The following PTPRN2 variants were observed in gnomAD, a reference collection of about 807,000 sequenced individuals.
PTPRN2 encodes receptor-type tyrosine-protein phosphatase N2.
Under a neutral mutation model 118.8 loss-of-function variants are expected in PTPRN2, and 74 were observed. That is an observed-to-expected ratio of 0.62 (90% CI 0.52 to 0.76). PTPRN2 has a LOEUF of 0.76. Ranked by LOEUF, PTPRN2 falls within the 30% of genes least tolerant of loss-of-function variation. PTPRN2 has a pLI of 0.00. For missense variants in PTPRN2, 1,481 were observed against 1,394.4 expected, an observed-to-expected ratio of 1.06 and a Z score of -0.99; for synonymous variants, 641 against 608.0, an observed-to-expected ratio of 1.05 and a Z score of -0.80.
chr7:158,140,326 T>C (rs1585584072), intron 6 of PTPRN2, among the ~76,000 whole-genome samples: 1 of 152,144 alleles, frequency 6.6e-6, no homozygotes, highest in African/African-American at 2.4e-5. Flanking sequence ...CAAAAGGACA[T>C]CTTCCGTATT....
intron 12 of PTPRN2, among the ~76,000 whole-genome samples, chr7:157,834,729 C>G (rs1198307667): frequency 6.6e-6 from 1 of 152,242 alleles, no homozygotes; most frequent in Non-Finnish European, 1.5e-5. Context: ...CTCCAGTGAG[C>G]CTGGAGCCGG....
rs540360971 is a variant in PTPRN2, at chr7:158,093,650, A to G, written c.1644-12273T>C. On this transcript the variant is annotated intron_variant, in intron 10 of 22. Coordinates refer to ENST00000389418, the MANE Select transcript of PTPRN2 (RefSeq NM_002847.5). The surrounding 1 kb of genome is among the most constrained non-coding windows in gnomAD (Gnocchi z 4.4). ...AGCTATGTCTTCTTACAGAGGAGACATCGGGAACATAAAACTCCGGAATTC... is the reference window on the plus strand; with the variant it reads ...AGCTATGTCTTCTTACAGAGGAGACGTCGGGAACATAAAACTCCGGAATTC... Among the ~76,000 whole-genome samples, 1 of 152,364 alleles carries G rather than the reference A, an allele frequency of 6.6e-6. No individual in the cohort carries two copies. The highest frequency in any genetic ancestry group is 2.1e-4 in the South Asian group (1 of 4,830).
intron 11 of PTPRN2, among the ~76,000 whole-genome samples, chr7:157,993,526 C>T (rs561255205): frequency 3.7e-4 from 56 of 152,236 alleles, no homozygotes; most frequent in African/African-American, 1.3e-3. Flanking sequence ...TCCAGAAACT[C>T]CCATGAGGGC....
chr7:157,872,241 CCACA>C (rs1330503166), intron 12 of PTPRN2, among the ~76,000 whole-genome samples: 2 of 148,216 alleles, frequency 1.3e-5, no homozygotes, highest in African/African-American at 5.0e-5. Flanking sequence ...AGTGTCCTCC[CCACA>C]CACACATATC....
intron 2 of PTPRN2, among the ~76,000 whole-genome samples, chr7:158,393,630 C>T (rs557158855): frequency 6.6e-6 from 1 of 152,146 alleles, no homozygotes. Context: ...CATCTTTCAG[C>T]GTCATTTTCA....
chr7:157,908,691 T>C (rs1441686843), intron 11 of PTPRN2, among the ~76,000 whole-genome samples: 1 of 152,218 alleles, frequency 6.6e-6, no homozygotes, highest in African/African-American at 2.4e-5. Context: ...TGCAAATGTC[T>C]TATTCTTACA....
chr7:158,330,772 C>A (rs1484712335), intron 2 of PTPRN2, among the ~76,000 whole-genome samples: 18 of 98,272 alleles, frequency 1.8e-4, no homozygotes, highest in South Asian at 3.9e-4. Context: ...GAGCTGACAC[C>A]CGCAGACGTC....
At chr7:157,741,038 G>A (rs1198280027) in intron 12 of PTPRN2, among the ~76,000 whole-genome samples, 2 of 152,132 alleles carry the variant, frequency 1.3e-5, no homozygotes, top group Non-Finnish European at 1.5e-5. Context: ...CTACTGAAAC[G>A]AGCAACAAGG....
rs1816754019 is a variant in PTPRN2, at chr7:158,438,605, GATC to G, written c.163+51127_163+51129del. Among the ~76,000 whole-genome samples the G allele has an allele frequency of 6.6e-6, 1 of 152,140 alleles. No homozygotes were observed. The highest frequency in any genetic ancestry group is 1.5e-5 in the Non-Finnish European group (1 of 68,032). On this transcript the variant is annotated intron_variant, in intron 2 of 22. Coordinates refer to ENST00000389418, the MANE Select transcript of PTPRN2 (RefSeq NM_002847.5). The surrounding 1 kb of genome is among the most constrained non-coding windows in gnomAD (Gnocchi z 4.7). ...CAGGAAATCTGATCCGATGCAAACA[GATC>G]ATTATAGCCAAGAGAAGGTCAGTTC... is the stretch of plus-strand genomic sequence containing the variant.
intron 2 of PTPRN2, among the ~76,000 whole-genome samples, chr7:158,363,222 A>G (rs1360056357): frequency 6.6e-6 from 1 of 151,708 alleles, no homozygotes; most frequent in Non-Finnish European, 1.5e-5. Context: ...AGGCTACGGG[A>G]GGACGCTCGG....
In PTPRN2 at chr7:157,649,899, T is replaced by C. The variant is rs566850387; in HGVS notation, c.2196+6458A>G. Among the ~76,000 whole-genome samples the C allele has an allele frequency of 1.0e-4, 8 of 76,900 alleles. No homozygotes were observed. The South Asian group carries it at 2.5e-3, about 24-fold the overall frequency. The allele number at this position is 76,900 out of a possible 152,430, so 50.4% of individuals were successfully genotyped here. The stretch of plus-strand genomic sequence containing the variant: ...CACTGAACTCGGTGGGTCGGACCCA[T>C]CCAGCGTGCACTGAACTCGGTGGGT... On this transcript the variant is annotated intron_variant, in intron 14 of 22. Transcript: ENST00000389418.
At chr7:158,064,283 T>C (rs973622449) in intron 11 of PTPRN2, among the ~76,000 whole-genome samples, 1 of 152,102 alleles carries the variant, frequency 6.6e-6, no homozygotes, top group Non-Finnish European at 1.5e-5. Context: ...AGTCCAGGGC[T>C]CAGAAGCAGC....
intron 14 of PTPRN2, among the ~76,000 whole-genome samples, chr7:157,640,463 G>A (rs1804604946): frequency 6.6e-6 from 1 of 152,204 alleles, no homozygotes. Context: ...GGGGAGAATG[G>A]AAGAGAGTCA....
chr7:158,333,134 A>G (rs535732532), intron 2 of PTPRN2, among the ~76,000 whole-genome samples: 2 of 112,388 alleles, frequency 1.8e-5, no homozygotes, highest in South Asian at 2.6e-4. Context: ...GACATCACTC[A>G]CACCCACAGT....
intron 12 of PTPRN2, among the ~76,000 whole-genome samples, chr7:157,683,770 T>A (rs918731071): frequency 6.6e-6 from 1 of 152,036 alleles, no homozygotes; most frequent in Non-Finnish European, 1.5e-5. Context: ...CCTCATTAAC[T>A]TCATTAGAAG....
At chr7:157,661,099 G>A (rs1795861718) in intron 13 of PTPRN2, among the ~76,000 whole-genome samples, 3 of 152,228 alleles carry the variant, frequency 2.0e-5, no homozygotes, top group South Asian at 2.1e-4. Context: ...CGCCTCCTCC[G>A]GCGGGTGGCT....
At chr7:157,917,453 G>C (rs1336451231) in intron 11 of PTPRN2, among the ~76,000 whole-genome samples, 1 of 152,194 alleles carries the variant, frequency 6.6e-6, no homozygotes, top group African/African-American at 2.4e-5. Flanking sequence ...CTCATCTGCG[G>C]GTCTCCTGTG....
chr7:157,602,803 G>A (rs1801757801), intron 16 of PTPRN2, among the ~76,000 whole-genome samples: 1 of 152,274 alleles, frequency 6.6e-6, no homozygotes, highest in African/African-American at 2.4e-5. Flanking sequence ...CCTGCAGGCA[G>A]TTGGGCCAAT....
At chr7:157,850,587 A>T (rs769047220) in intron 12 of PTPRN2, among the ~76,000 whole-genome samples, 5 of 152,204 alleles carry the variant, frequency 3.3e-5, no homozygotes, top group Non-Finnish European at 5.9e-5. Flanking sequence ...CTCCTTTCTC[A>T]AACCATCCAC....
Sources: allele counts gnomAD v4.1 joint callset (sites outside exome capture counted in the v4.1 genomes callset), GRCh38; gene constraint gnomAD v4.1.1; non-coding constraint Gnocchi (gnomAD v3.1); transcripts MANE v1.5; gene names NCBI Gene and HGNC (gene_info 2026-07-23, HGNC 2026-07-21).